The following B3GALT1 variants were observed in gnomAD, a reference collection of about 807,000 sequenced individuals.
B3GALT1 encodes UDP-Gal:betaGlcNAc beta 1,3-galactosyltransferase, polypeptide 1.
B3GALT1 carries 10 observed loss-of-function variants against 23.2 expected under a neutral mutation model. The ratio of observed to expected loss-of-function variants is 0.43; its 90% confidence interval spans 0.27 to 0.73. B3GALT1 has a LOEUF of 0.73. Among genes scored for constraint, B3GALT1 ranks in the 30% least tolerant of loss-of-function variants. The pLI, the probability that B3GALT1 is intolerant of heterozygous loss-of-function variation, is 0.21. For synonymous variants in B3GALT1, 156 were observed against 141.5 expected (o/e 1.10, Z -0.73); for missense variants, 299 against 405.4 (o/e 0.74, Z 2.25).
At chr2:167,860,423 T>G (rs1414386183) in intron 4 of B3GALT1, among the ~76,000 whole-genome samples, 2 of 152,128 alleles carry the variant, frequency 1.3e-5, no homozygotes, top group African/African-American at 4.8e-5. Context: ...TTTTAGCTGG[T>G]TAATGTTGGG....
intron 3 of B3GALT1, among the ~76,000 whole-genome samples, chr2:167,690,602 T>G (rs941377632): frequency 1.3e-5 from 2 of 152,136 alleles, no homozygotes; most frequent in Non-Finnish European, 2.9e-5. Context: ...GACTCCATTT[T>G]CAAACAATTC....
At chr2:167,537,899 C>G (rs752389568) in intron 2 of B3GALT1, among the ~76,000 whole-genome samples, 4 of 149,890 alleles carry the variant, frequency 2.7e-5, no homozygotes, top group Admixed American at 6.7e-5. Context: ...TCTTGGCTCA[C>G]TGCAACTGCC....
intron 1 of B3GALT1, among the ~76,000 whole-genome samples, chr2:167,327,003 T>C (rs1461722484): frequency 6.6e-6 from 1 of 152,134 alleles, no homozygotes; most frequent in Non-Finnish European, 1.5e-5. Flanking sequence ...GTACCATTTA[T>C]TGAAGAGGGT....
At chr2:167,577,899 G>A (rs544303561) in intron 2 of B3GALT1, among the ~76,000 whole-genome samples, 8 of 151,920 alleles carry the variant, frequency 5.3e-5, no homozygotes, top group African/African-American at 1.9e-4. Context: ...ATGTCTCTTA[G>A]TGAATATGCA....
chr2:167,488,291 T>C (rs1197580984), intron 1 of B3GALT1, among the ~76,000 whole-genome samples: 2 of 152,254 alleles, frequency 1.3e-5, no homozygotes, highest in East Asian at 3.8e-4. Flanking sequence ...AATATAGGCC[T>C]TCTCCCAATG....
intron 3 of B3GALT1, among the ~76,000 whole-genome samples, chr2:167,782,085 A>T (rs1050356327): frequency 2.6e-5 from 4 of 152,276 alleles, no homozygotes; most frequent in Admixed American, 6.5e-5. Flanking sequence ...GCCAGAGATA[A>T]GAGACCAGAA....
chr2:167,299,578 G>T (rs7605309), intron 1 of B3GALT1, among the ~76,000 whole-genome samples: 36,590 of 152,046 alleles, frequency 0.24, 5,529 homozygotes, highest in African/African-American at 0.43. Flanking sequence ...CACAGCTAAT[G>T]ATAAACAGGA....
chr2:167,387,425 A>T (rs1697945491), intron 1 of B3GALT1, among the ~76,000 whole-genome samples: 1 of 152,188 alleles, frequency 6.6e-6, no homozygotes, highest in African/African-American at 2.4e-5. Flanking sequence ...ATGTTATCTC[A>T]TCATATAAAG....
intron 1 of B3GALT1, among the ~76,000 whole-genome samples, chr2:167,461,683 T>A (rs1004126024): frequency 6.6e-6 from 1 of 152,184 alleles, no homozygotes; most frequent in African/African-American, 2.4e-5. Flanking sequence ...AAAATGTAAT[T>A]TCCTTGAGTA....
At chr2:167,599,509 A>G (rs1684836349) in intron 2 of B3GALT1, among the ~76,000 whole-genome samples, 1 of 152,218 alleles carries the variant, frequency 6.6e-6, no homozygotes, top group Non-Finnish European at 1.5e-5. Context: ...TTCAGATTGC[A>G]TAGGTGGCAA....
intron 2 of B3GALT1, among the ~76,000 whole-genome samples, chr2:167,566,755 G>T (rs1003542260): frequency 6.6e-6 from 1 of 152,122 alleles, no homozygotes; most frequent in Non-Finnish European, 1.5e-5. Context: ...AAGTGCAAAA[G>T]GGTGGTAATT....
chr2:167,714,554 G>C, intron 3 of B3GALT1: 1 of 1,613,160 alleles, frequency 6.2e-7, no homozygotes. Flanking sequence ...AACATCAAGT[G>C]CATTAGGATC....
chr2:167,818,088 G>A (rs1689032856), intron 3 of B3GALT1, among the ~76,000 whole-genome samples: 1 of 151,800 alleles, frequency 6.6e-6, no homozygotes, highest in East Asian at 1.9e-4. Context: ...AAGACCTTAG[G>A]TAAAAGCTGG....
At chr2:167,407,657 C>A (rs1260469316) in intron 1 of B3GALT1, among the ~76,000 whole-genome samples, 1 of 151,792 alleles carries the variant, frequency 6.6e-6, no homozygotes. Flanking sequence ...GGAGACGTAA[C>A]AACTGAGACA....
In B3GALT1 at chr2:167,550,347, A is replaced by C. The variant is rs532760285; in HGVS notation, c.-410+60070A>C. 9.2e-5 allele frequency among the ~76,000 whole-genome samples: 14 copies of C among 152,368 alleles called. No homozygotes were observed. The East Asian group carries it at 2.5e-3, about 27-fold the overall frequency. On this transcript the variant is annotated intron_variant, in intron 2 of 4. Coordinates refer to ENST00000392690, the MANE Select transcript of B3GALT1 (RefSeq NM_020981.4). ...CTCTAGACTTTGTGACCTAAAATGC[A>C]ATAAGTCTCCAGAAACTTACTTTTA...
intron 1 of B3GALT1, among the ~76,000 whole-genome samples, chr2:167,332,085 C>G (rs2927600): frequency 0.83 from 126,445 of 152,080 alleles, 53,388 homozygotes; most frequent in Middle Eastern, 0.91. Flanking sequence ...TGTGAACTCT[C>G]TCTCTGTAGA....
chr2:167,781,455 G>C (rs948493094), intron 3 of B3GALT1, among the ~76,000 whole-genome samples: 1 of 152,222 alleles, frequency 6.6e-6, no homozygotes, highest in Non-Finnish European at 1.5e-5. Context: ...TGCCGGATGG[G>C]TGCAATACTA....
intron 3 of B3GALT1, among the ~76,000 whole-genome samples, chr2:167,663,245 T>A (rs1686103838): frequency 6.6e-6 from 1 of 151,874 alleles, no homozygotes; most frequent in African/African-American, 2.4e-5. Flanking sequence ...TTACTGAGAA[T>A]GATGATTTCC....
intron 1 of B3GALT1, among the ~76,000 whole-genome samples, chr2:167,344,564 A>G: frequency 6.6e-6 from 1 of 152,140 alleles, no homozygotes; most frequent in East Asian, 1.9e-4. Context: ...AGTAGAAAAA[A>G]AGAGAGATTG....
Sources: allele counts gnomAD v4.1 joint callset (sites outside exome capture counted in the v4.1 genomes callset), GRCh38; gene constraint gnomAD v4.1.1; transcripts MANE v1.5; gene names NCBI Gene and HGNC (gene_info 2026-07-23, HGNC 2026-07-21).